Variants in DOCK1 observed in about 807,000 individuals in gnomAD.
DOCK1 encodes the protein dedicator of cytokinesis 1, also known as dedicator of cytokinesis protein 1.
A neutral mutation model predicts 262.7 loss-of-function variants in DOCK1; 138 were observed. The ratio of observed to expected loss-of-function variants is 0.53; its 90% CI spans 0.46 to 0.61. The LOEUF (loss-of-function observed/expected upper bound fraction) is 0.61. Ranked by LOEUF, DOCK1 falls within the 20% of genes least tolerant of loss-of-function variation. The probability of loss-of-function intolerance (pLI) is 0.00; values close to 1 mark genes in which losing one functional copy is unlikely to be tolerated. For synonymous variants in DOCK1, 866 were observed against 867.4 expected (o/e 1.00, Z 0.03); for missense variants, 1,908 against 2,370.7 (o/e 0.80, Z 4.05).
At chr10:127,447,203 C>T (rs530104936) in intron 50 of DOCK1, among the ~76,000 whole-genome samples, 191 bp from the exon 51 acceptor site, 1 of 152,324 alleles carries the variant, frequency 6.6e-6, no homozygotes, top group East Asian at 1.9e-4. Context: ...AGAACATTGC[C>T]GTTAGGAGAG....
chr10:126,986,258 G>T (rs567741924), intron 4 of DOCK1, among the ~76,000 whole-genome samples: 7 of 152,134 alleles, frequency 4.6e-5, no homozygotes, highest in Admixed American at 2.6e-4. Flanking sequence ...GGTCCCCGTT[G>T]TCTGTTGCTT....
At chr10:126,941,628 T>C (rs940918369) in intron 1 of DOCK1, among the ~76,000 whole-genome samples, 7,858 of 151,994 alleles carry the variant, frequency 0.052, 665 homozygotes, top group African/African-American at 0.17. Context: ...TGGTGGCGGG[T>C]GCCTGTAGTC....
intron 23 of DOCK1, among the ~76,000 whole-genome samples, chr10:127,084,599 G>C (rs939855222): frequency 1.4e-4 from 22 of 152,176 alleles, no homozygotes; most frequent in African/African-American, 5.3e-4. Context: ...TTGTCAAGTG[G>C]AACACAACAC....
At chr10:127,166,467 A>G (rs2054101843) in intron 27 of DOCK1, among the ~76,000 whole-genome samples, 1 of 152,236 alleles carries the variant, frequency 6.6e-6, no homozygotes, top group Non-Finnish European at 1.5e-5. Flanking sequence ...GAATTCTGGC[A>G]TTAACATGTC....
chr10:127,370,292 C>CT (rs2065137108), intron 33 of DOCK1, among the ~76,000 whole-genome samples: 1 of 152,202 alleles, frequency 6.6e-6, no homozygotes, highest in South Asian at 2.1e-4. Flanking sequence ...TGCTAATGTA[C>CT]TTAGCAGATC....
intron 1 of DOCK1, among the ~76,000 whole-genome samples, chr10:126,927,902 T>TA (rs2033880319): frequency 6.6e-6 from 1 of 152,074 alleles, no homozygotes; most frequent in Non-Finnish European, 1.5e-5. Flanking sequence ...GCCAGGCAGT[T>TA]ACCATGCTCG....
At chr10:127,000,146 T>C in intron 9 of DOCK1, 26 bp from the exon 10 acceptor site, 1 of 1,611,372 alleles carries the variant, frequency 6.2e-7, no homozygotes, top group Non-Finnish European at 8.5e-7. Flanking sequence ...GTCTCCAAAA[T>C]AATTTATGGA....
At chr10:126,937,553 T>G (rs1329677117) in intron 1 of DOCK1, among the ~76,000 whole-genome samples, 4 of 151,992 alleles carry the variant, frequency 2.6e-5, no homozygotes, top group Non-Finnish European at 5.9e-5. Flanking sequence ...GCCATTCTTA[T>G]GGGTGTGAAG....
In DOCK1 at chr10:127,085,487, C is replaced by T. The variant is rs893418507; in HGVS notation, c.2446-20744C>T. 4.6e-5 allele frequency among the ~76,000 whole-genome samples: 7 copies of T among 152,130 alleles called. No individual in the cohort carries two copies. In the East Asian group the frequency reaches 1.2e-3, roughly 25 times the overall value. On this transcript the variant is annotated intron_variant, in intron 23 of 51. Transcript: ENST00000623213. ...TAAGAAAGGAACTCTTGGCCGGGCG[C>T]GGTGGCTCATGCCTGTAATCCCAGC...
At chr10:127,372,448 C>T (rs573426572) in intron 33 of DOCK1, among the ~76,000 whole-genome samples, 3 of 152,272 alleles carry the variant, frequency 2.0e-5, no homozygotes, top group South Asian at 4.1e-4. Context: ...CCCTCTAGAC[C>T]GCTCCTTTGC....
intron 25 of DOCK1, among the ~76,000 whole-genome samples, chr10:127,119,345 C>T (rs764386634): frequency 3.2e-4 from 49 of 152,148 alleles, no homozygotes; most frequent in South Asian, 2.1e-4. Flanking sequence ...CGCGCCCGGC[C>T]GGAATAGACA....
chr10:127,325,926 C>T (rs538041246), intron 29 of DOCK1, among the ~76,000 whole-genome samples: 1 of 152,222 alleles, frequency 6.6e-6, no homozygotes, highest in South Asian at 2.1e-4. Flanking sequence ...TAAAGCAAGT[C>T]ACACAGATTT....
chr10:127,426,556 G>A (rs1437482807), intron 47 of DOCK1, among the ~76,000 whole-genome samples: 1 of 152,220 alleles, frequency 6.6e-6, no homozygotes, highest in Non-Finnish European at 1.5e-5. Flanking sequence ...GACCAAGGAA[G>A]ATAAGCCAGA....
intron 48 of DOCK1, among the ~76,000 whole-genome samples, chr10:127,436,408 C>T (rs1282165069): frequency 6.6e-6 from 1 of 151,968 alleles, no homozygotes. Flanking sequence ...GTCTCAGCTA[C>T]CTGGGAGGCT....
At chr10:127,133,945 G>A (rs931791013) in intron 27 of DOCK1, among the ~76,000 whole-genome samples, 1 of 152,244 alleles carries the variant, frequency 6.6e-6, no homozygotes, top group South Asian at 2.1e-4. Flanking sequence ...ACGTGCTGGT[G>A]TGGGAAGCAG....
At chr10:127,263,351 A>T (rs2996575) in intron 29 of DOCK1, among the ~76,000 whole-genome samples, 54,831 of 119,564 alleles carry the variant, frequency 0.46, 13,845 homozygotes, top group East Asian at 0.6. Context: ...GTATATATAG[A>T]TTGCCTCTTA....
intron 28 of DOCK1, among the ~76,000 whole-genome samples, chr10:127,254,960 G>A (rs532193724): frequency 1.3e-5 from 2 of 152,312 alleles, no homozygotes; most frequent in East Asian, 1.9e-4. Flanking sequence ...GTCCAGGTGC[G>A]AGAGGATGGC....
intron 1 of DOCK1, among the ~76,000 whole-genome samples, chr10:126,962,090 C>A (rs1195564524): frequency 6.6e-6 from 1 of 151,976 alleles, no homozygotes; most frequent in Non-Finnish European, 1.5e-5. Flanking sequence ...CTCCGCCTCC[C>A]GGATTCAATC....
At chr10:127,018,058 C>T (rs2042141990) in intron 12 of DOCK1, among the ~76,000 whole-genome samples, 1 of 152,194 alleles carries the variant, frequency 6.6e-6, no homozygotes, top group Non-Finnish European at 1.5e-5. Flanking sequence ...GGTTTAGAGG[C>T]TTTGAAAGTC....
Sources: allele counts gnomAD v4.1 joint callset (sites outside exome capture counted in the v4.1 genomes callset), GRCh38; gene constraint gnomAD v4.1.1; transcripts MANE v1.5; gene names NCBI Gene and HGNC (gene_info 2026-07-23, HGNC 2026-07-21).